Variants in STRA8 observed in about 807,000 individuals in gnomAD.
STRA8 encodes the protein stimulated by retinoic acid gene 8 protein homolog.
In STRA8, 18 loss-of-function variants were observed where a neutral mutation model predicts 37.1. The observed-to-expected ratio is 0.48, with a 90% confidence interval of 0.34 to 0.72. The LOEUF (loss-of-function observed/expected upper bound fraction) is 0.72. Among genes scored for constraint, STRA8 ranks in the 30% least tolerant of loss-of-function variants. The pLI, the probability that STRA8 is intolerant of heterozygous loss-of-function variation, is 0.01. For synonymous variants in STRA8, 168 were observed against 162.9 expected (o/e 1.03, Z -0.24); for missense variants, 357 against 410.4 (o/e 0.87, Z 1.13).
chr7:135,244,445 A>G (rs1420607522), intron 4 of STRA8, among the ~76,000 whole-genome samples: 1 of 152,156 alleles, frequency 6.6e-6, no homozygotes, highest in Non-Finnish European at 1.5e-5. Flanking sequence ...GACTTTTCCA[A>G]ATTATATCCT....
At chr7:135,241,981 T>C (rs1375155045) in intron 2 of STRA8, among the ~76,000 whole-genome samples, 1 of 150,928 alleles carries the variant, frequency 6.6e-6, no homozygotes, top group East Asian at 1.9e-4. Context: ...CGTTTTTGAA[T>C]AATCTTGCTG....
chr7:135,251,603 C>G (rs1057149870), intron 6 of STRA8, among the ~76,000 whole-genome samples, 193 bp from the exon 7 acceptor site: 1 of 152,114 alleles, frequency 6.6e-6, no homozygotes, highest in Admixed American at 6.5e-5. Flanking sequence ...CCTGGGCACT[C>G]TAGAGTTTAG....
At chr7:135,255,679 G>A (rs1294821680) in intron 8 of STRA8, among the ~76,000 whole-genome samples, 1 of 152,236 alleles carries the variant, frequency 6.6e-6, no homozygotes, top group Non-Finnish European at 1.5e-5. Flanking sequence ...ACTAATGCCT[G>A]ATGATCTGAG....
intron 1 of STRA8, among the ~76,000 whole-genome samples, 194 bp downstream of exon 1, chr7:135,234,097 G>GTT (rs1832333230): frequency 6.8e-6 from 1 of 146,752 alleles, no homozygotes; most frequent in African/African-American, 2.5e-5. Flanking sequence ...TGATGATGAT[G>GTT]ATGATGATTA....
intron 7 of STRA8, 28 bp from the exon 8 acceptor site, chr7:135,255,086 G>T: frequency 6.4e-7 from 1 of 1,558,024 alleles, no homozygotes; most frequent in Non-Finnish European, 8.9e-7. Flanking sequence ...CTGAATATTT[G>T]TTGCCTTTTC....
upstream of STRA8, among the ~76,000 whole-genome samples, chr7:135,233,245 T>A (rs1832318863): frequency 6.6e-6 from 1 of 152,168 alleles, no homozygotes. Flanking sequence ...ATCTGAGCTA[T>A]TAAAGGTCCC....
At chr7:135,247,524 C>T (rs1832578776) in intron 6 of STRA8, among the ~76,000 whole-genome samples, 1 of 152,176 alleles carries the variant, frequency 6.6e-6, no homozygotes, top group Admixed American at 6.5e-5. Flanking sequence ...AAAGCTCTTT[C>T]TTAAGAGTTA....
At chr7:135,245,920 G>A (rs1036050914) in intron 5 of STRA8, among the ~76,000 whole-genome samples, 1 of 152,154 alleles carries the variant, frequency 6.6e-6, no homozygotes, top group Non-Finnish European at 1.5e-5. Flanking sequence ...GCGAATGGCT[G>A]GCTCAGACGT....
chr7:135,238,717 A>C (rs115044953), intron 1 of STRA8, among the ~76,000 whole-genome samples: 2,849 of 152,340 alleles, frequency 0.019, 101 homozygotes, highest in African/African-American at 0.066. Context: ...AACAAAAAAA[A>C]CCTATATTCT....
chr7:135,245,199 G>T (rs1217197779), intron 4 of STRA8, 89 bp from the exon 5 acceptor site: 4 of 764,836 alleles, frequency 5.2e-6, no homozygotes, highest in Non-Finnish European at 9.8e-6. Context: ...ACATATACAT[G>T]TATACTTGCT....
chr7:135,255,004 T>A (rs1832685040), intron 7 of STRA8, 110 bp from the exon 8 acceptor site: 1 of 833,002 alleles, frequency 1.2e-6, no homozygotes, highest in African/African-American at 1.7e-5. Flanking sequence ...TCTGAGAATT[T>A]ACATGTGCTT....
intron 8 of STRA8, among the ~76,000 whole-genome samples, chr7:135,256,230 C>G (rs1189164753): frequency 6.6e-6 from 1 of 152,210 alleles, no homozygotes. Context: ...GTTCAATAGG[C>G]TAAGGTATAA....
chr7:135,250,019 G>A (rs1205137464), intron 6 of STRA8, among the ~76,000 whole-genome samples: 3 of 152,214 alleles, frequency 2.0e-5, no homozygotes, highest in East Asian at 3.9e-4. Flanking sequence ...TCCCATGCCC[G>A]AGGCAGGGAC....
chr7:135,242,327 C>T (rs931720425), intron 2 of STRA8, among the ~76,000 whole-genome samples: 2 of 152,122 alleles, frequency 1.3e-5, no homozygotes, highest in African/African-American at 2.4e-5. Context: ...GGAGCGTATG[C>T]AGTTAGCAAA....
At chr7:135,258,221 T>C (rs557006218) in intron 8 of STRA8, among the ~76,000 whole-genome samples, 197 bp from the exon 9 acceptor site, 1 of 147,370 alleles carries the variant, frequency 6.8e-6, no homozygotes, top group African/African-American at 2.6e-5. Flanking sequence ...GAATGCTGAG[T>C]TGAGTGAAAT....
intron 8 of STRA8, among the ~76,000 whole-genome samples, chr7:135,255,535 A>G (rs1832692684): frequency 6.6e-6 from 1 of 152,238 alleles, no homozygotes; most frequent in Non-Finnish European, 1.5e-5. Context: ...GCTGCACAGC[A>G]GAGGGTGAGC....
At chr7:135,242,074 A>AAGGGAGGAAGGAAAGAAAT (rs1832473599) in intron 2 of STRA8, among the ~76,000 whole-genome samples, 1 of 141,316 alleles carries the variant, frequency 7.1e-6, no homozygotes, top group African/African-American at 2.6e-5. Context: ...AGGAAAGAAA[A>AAGGGAGGAAGGAAAGAAAT]AGGAAGGAAG....
rs1023686782 is a variant in STRA8 at position 135,248,007 on chromosome 7, C to G, written c.879+1305C>G. ...GCTTCCGCCTGATACAGGCCACCCC[C>G]TTGCCCTGACTTTCCAAATGCTCCT... On this transcript the variant is annotated intron_variant, in intron 6 of 8. Coordinates refer to ENST00000662584, the MANE Select transcript of STRA8 (RefSeq NM_001394401.1). 2.6e-5 allele frequency among the ~76,000 whole-genome samples: 4 copies of G among 152,234 alleles called. No individual in the cohort carries two copies. The South Asian group carries it at 8.3e-4, about 31-fold the overall frequency.
chr7:135,240,852 C>A, intron 2 of STRA8, 136 bp downstream of exon 2: 1 of 923,164 alleles, frequency 1.1e-6, no homozygotes, highest in Non-Finnish European at 1.6e-6. Flanking sequence ...ATGCCCTAGA[C>A]AGGGTAATTT....
Sources: allele counts gnomAD v4.1 joint callset (sites outside exome capture counted in the v4.1 genomes callset), GRCh38; gene constraint gnomAD v4.1.1; transcripts MANE v1.5; gene names NCBI Gene and HGNC (gene_info 2026-07-23, HGNC 2026-07-21).